Variants in PTPRN2 observed in about 807,000 individuals in gnomAD.
PTPRN2 encodes the protein receptor-type tyrosine-protein phosphatase N2.
A neutral mutation model predicts 118.8 loss-of-function variants in PTPRN2; 74 were observed. That is an observed-to-expected ratio of 0.62 (90% CI 0.52 to 0.76). PTPRN2 has a LOEUF of 0.76. Among genes scored for constraint, PTPRN2 ranks in the 30% least tolerant of loss-of-function variants. PTPRN2 has a pLI of 0.00. For synonymous variants in PTPRN2, 641 were observed against 608.0 expected (o/e 1.05, Z -0.80); for missense variants, 1,481 against 1,394.4 (o/e 1.06, Z -0.99).
intron 2 of PTPRN2, among the ~76,000 whole-genome samples, chr7:158,480,086 G>A (rs1323152516): frequency 1.3e-5 from 2 of 152,188 alleles, no homozygotes; most frequent in Non-Finnish European, 2.9e-5. Context: ...AGAGTCTGAG[G>A]AGCACGACCT....
Position 158,255,833 on chromosome 7 carries a change from C to A in PTPRN2, c.278-50560G>T, listed in dbSNP as rs1014001255. Among the ~76,000 whole-genome samples the A allele has an allele frequency of 1.6e-4, 24 of 150,520 alleles. No homozygotes were observed. In the Admixed American group the frequency reaches 1.6e-3, roughly 10 times the overall value. On this transcript the variant is annotated intron_variant, in intron 3 of 22. Transcript: ENST00000389418. ...GCCCTCCTGTCCCTGGGGCTTGGCA[C>A]TAAGCCTCAGGGCACCCGTCCTCAC...
chr7:157,539,110 C>T lies in PTPRN2; in HGVS notation c.*1604G>A, dbSNP rs1248581227. On this transcript the variant is annotated 3_prime_UTR_variant, in exon 23 of 23. Coordinates refer to ENST00000389418, the MANE Select transcript of PTPRN2 (RefSeq NM_002847.5). Reference sequence around the variant, plus strand: ...TTAAATATATTTGTATATCTCACACCGGAGGTTTCTCTTCAAACATAAGGA... The same window carrying T: ...TTAAATATATTTGTATATCTCACACTGGAGGTTTCTCTTCAAACATAAGGA... 2.6e-5 allele frequency: 4 copies of T among 152,144 alleles called. No individual in the cohort carries two copies. The highest frequency in any genetic ancestry group is 7.2e-5 in the African/African-American group (3 of 41,434). 9.4% of individuals were successfully genotyped at this position (152,144 alleles called of 1,614,324 possible). A position where few individuals can be genotyped will look rare whatever the true frequency, so the allele number is the denominator to read the frequency against.
At chr7:157,679,506 C>T (rs1000219750) in intron 13 of PTPRN2, among the ~76,000 whole-genome samples, 2 of 152,226 alleles carry the variant, frequency 1.3e-5, no homozygotes, top group Admixed American at 6.5e-5. Flanking sequence ...GAAGAAAGCT[C>T]TAACATCCTG....
chr7:158,456,883 C>T (rs1477472927), intron 2 of PTPRN2, among the ~76,000 whole-genome samples: 1 of 152,156 alleles, frequency 6.6e-6, no homozygotes, highest in Non-Finnish European at 1.5e-5. Flanking sequence ...CAATGATTCC[C>T]CCGCCTCCAT....
At chr7:158,316,648 G>A (rs930519213) in intron 3 of PTPRN2, among the ~76,000 whole-genome samples, 171 bp downstream of exon 3, 6 of 152,170 alleles carry the variant, frequency 3.9e-5, no homozygotes, top group African/African-American at 9.6e-5. Flanking sequence ...AGGAACGGAC[G>A]ATCCCAGTAG....
chr7:157,849,027 GTCTTGGGA>G (rs2044820331), intron 12 of PTPRN2, among the ~76,000 whole-genome samples: 1 of 152,216 alleles, frequency 6.6e-6, no homozygotes, highest in South Asian at 2.1e-4. Flanking sequence ...CCAATAGCGG[GTCTTGGGA>G]TGACGTCTGC....
chr7:157,799,129 G>A (rs1193590128), intron 12 of PTPRN2, among the ~76,000 whole-genome samples: 1 of 152,162 alleles, frequency 6.6e-6, no homozygotes, highest in Admixed American at 6.5e-5. Flanking sequence ...AGCTGGGCCT[G>A]GCCCACCATC....
chr7:158,131,475 TACAC>T (rs935177695), intron 9 of PTPRN2, among the ~76,000 whole-genome samples: 1 of 136,428 alleles, frequency 7.3e-6, no homozygotes. Flanking sequence ...CACGCACTCA[TACAC>T]ACACACTTAT....
chr7:158,524,051 G>C (rs1172211366), intron 1 of PTPRN2, among the ~76,000 whole-genome samples: 1 of 101,358 alleles, frequency 9.9e-6, no homozygotes, highest in African/African-American at 4.3e-5. Flanking sequence ...GTCTGCCCTG[G>C]AGTGGAGTCG....
chr7:157,576,515 G>GCCCT, intron 19 of PTPRN2, 98 bp downstream of exon 19: 1 of 1,261,772 alleles, frequency 7.9e-7, no homozygotes, highest in Non-Finnish European at 1.1e-6. Context: ...CACAGACGCG[G>GCCCT]CCCTCGGCGC....
chr7:157,607,792 C>T (rs1032326434), intron 15 of PTPRN2, among the ~76,000 whole-genome samples: 1 of 152,110 alleles, frequency 6.6e-6, no homozygotes, highest in Non-Finnish European at 1.5e-5. Flanking sequence ...TTCCCTAGCT[C>T]GGGAGTCCTG....
At position 158,316,927 on chromosome 7, in the gene PTPRN2, C is replaced by T. The variant is rs1393083981; in HGVS notation, c.169G>A (p.Val57Met). Residue 57 changes from valine (V) to methionine (M), a missense_variant, in exon 3 of 23, where the codon GTG becomes ATG. By Grantham distance (21) the Val-to-Met change is conservative. Around this residue, in one of 3 missense-constraint regions of PTPRN2, gnomAD observed 1,115 missense variants for 994.2 expected, o/e 1.12. Coordinates refer to ENST00000389418, the MANE Select transcript of PTPRN2 (RefSeq NM_002847.5). ...GASEACVNDG[V>M]FGRCQKVPAM... is the part of the protein sequence containing the mutation. The stretch of plus-strand genomic sequence containing the variant: ...GGAACCTTCTGGCACCTTCCAAACA[C>T]TCCATCTGTGAGAAGGGAAGGAGAT... The T allele has an allele frequency of 3.1e-6, 5 of 1,609,682 alleles. No homozygotes were observed. The South Asian group carries it at 4.4e-5, about 14-fold the overall frequency.
chr7:158,098,589 T>C (rs1305759862), intron 10 of PTPRN2, among the ~76,000 whole-genome samples: 2 of 152,186 alleles, frequency 1.3e-5, no homozygotes, highest in Admixed American at 1.3e-4. Flanking sequence ...CCAGCTGCTC[T>C]GTGAAACCAG....
At chr7:158,442,105 G>A (rs533882304) in intron 2 of PTPRN2, among the ~76,000 whole-genome samples, 94 of 149,390 alleles carry the variant, frequency 6.3e-4, no homozygotes, top group African/African-American at 2.2e-3. Context: ...TGATGGTCAC[G>A]GCAGTGGTGG....
rs1254020759 is a variant in PTPRN2 at position 157,622,895 on chromosome 7, CCCA to C, written c.2197-1389_2197-1387del. Among the ~76,000 whole-genome samples the C allele has an allele frequency of 6.6e-6, 1 of 152,190 alleles. No individual in the cohort carries two copies. Among genetic ancestry groups the C allele is most frequent in the East Asian group, 1.9e-4 (1 of 5,186 alleles). On this transcript the variant is annotated intron_variant, in intron 14 of 22. Transcript: ENST00000389418. The surrounding 1 kb of genome is among the most constrained non-coding windows in gnomAD (Gnocchi z 5.3). The stretch of plus-strand genomic sequence containing the variant: ...TGCTCCACGCAGCGAACGCTTTTCC[CCCA>C]CCACACCTTGAGCCTTGGGAGCACA...
chr7:158,364,794 G>A (rs1217517358), intron 2 of PTPRN2, among the ~76,000 whole-genome samples: 2 of 152,102 alleles, frequency 1.3e-5, no homozygotes, highest in African/African-American at 4.8e-5. Context: ...CTCCAGGCAT[G>A]TTTACCTCTA....
At chr7:157,945,513 T>C (rs1800421021) in intron 11 of PTPRN2, among the ~76,000 whole-genome samples, 1 of 152,084 alleles carries the variant, frequency 6.6e-6, no homozygotes, top group Non-Finnish European at 1.5e-5. Context: ...GAACCTGCCG[T>C]TCCCAACTCA....
intron 5 of PTPRN2, among the ~76,000 whole-genome samples, chr7:158,190,696 C>T (rs1009626088): frequency 2.0e-5 from 3 of 152,242 alleles, no homozygotes; most frequent in Non-Finnish European, 4.4e-5. Context: ...AGGAAAAACA[C>T]AAATATGGCC....
chr7:158,329,307 G>A (rs1452795680), intron 2 of PTPRN2, among the ~76,000 whole-genome samples: 4 of 152,320 alleles, frequency 2.6e-5, no homozygotes, highest in South Asian at 4.1e-4. Context: ...CCTCCCTCAC[G>A]GAGCACCAGC....
Sources: allele counts gnomAD v4.1 joint callset (sites outside exome capture counted in the v4.1 genomes callset), GRCh38; gene constraint gnomAD v4.1.1; regional missense constraint gnomAD v4.1.1; non-coding constraint Gnocchi (gnomAD v3.1); transcripts MANE v1.5; gene names NCBI Gene and HGNC (gene_info 2026-07-23, HGNC 2026-07-21).